Variants in SLC44A1 observed in about 807,000 individuals in gnomAD.
The protein encoded by SLC44A1 is solute carrier family 44 member 1.
SLC44A1 carries 26 observed loss-of-function variants against 79.3 expected under a neutral mutation model. That is an observed-to-expected ratio of 0.33 (90% confidence interval 0.24 to 0.46). The LOEUF is 0.46. SLC44A1 is among the 20% of genes least tolerant of loss of function. The pLI is 1.00. For synonymous variants in SLC44A1, 263 were observed against 286.2 expected (o/e 0.92, Z 0.82); for missense variants, 688 against 798.1 (o/e 0.86, Z 1.66).
At chr9:105,299,169 C>A (rs1310374932) in intron 1 of SLC44A1, 51 bp from the exon 2 acceptor site, 1 of 1,365,444 alleles carries the variant, frequency 7.3e-7, no homozygotes, top group Non-Finnish European at 1.0e-6. Context: ...GCCCTTCTAA[C>A]TTTAACTAAA....
At chr9:105,419,252 G>A (rs1829213231) in intron 15 of SLC44A1, among the ~76,000 whole-genome samples, 1 of 152,164 alleles carries the variant, frequency 6.6e-6, no homozygotes, top group Non-Finnish European at 1.5e-5. Flanking sequence ...TGCCTGATAT[G>A]GGGAGATAAT....
chr9:105,271,288 T>A (rs1830070292), intron 1 of SLC44A1, among the ~76,000 whole-genome samples: 1 of 152,250 alleles, frequency 6.6e-6, no homozygotes, highest in South Asian at 2.1e-4. Context: ...TAGAAGGTTC[T>A]GACAAACCCT....
intron 4 of SLC44A1, among the ~76,000 whole-genome samples, chr9:105,342,919 C>A (rs528054534): frequency 6.6e-6 from 1 of 151,550 alleles, no homozygotes; most frequent in South Asian, 2.1e-4. Flanking sequence ...GCGGGAGGAT[C>A]ACTTGAGCTC....
At chr9:105,411,819 T>G (rs1414799443) in intron 15 of SLC44A1, among the ~76,000 whole-genome samples, 1 of 152,202 alleles carries the variant, frequency 6.6e-6, no homozygotes, top group Non-Finnish European at 1.5e-5. Flanking sequence ...GTGCATCATA[T>G]CAGGAGGCAC....
intron 3 of SLC44A1, among the ~76,000 whole-genome samples, chr9:105,326,083 A>G (rs1020588058): frequency 2.0e-5 from 3 of 152,176 alleles, no homozygotes; most frequent in Non-Finnish European, 4.4e-5. Flanking sequence ...GTTCTTTTTT[A>G]AGAGACCAGG....
chr9:105,299,296 T>C lies in SLC44A1; in HGVS notation c.113T>C (p.Phe38Ser). 1 of 1,587,636 alleles carries C rather than the reference T, an allele frequency of 6.3e-7. No homozygotes were observed. Among genetic ancestry groups the C allele is most frequent in the Non-Finnish European group, 8.5e-7 (1 of 1,170,694 alleles). Reference protein sequence around the residue: ...DIPWLLLFILFCIGMGFICGF... With the variant: ...DIPWLLLFILSCIGMGFICGF... ...CCATGGCTGCTGCTCTTCATCCTCT[T>C]CTGCATTGGGATGGTAAGGAAACTC... The change falls in exon 2 of 16, where the codon TTC (phenylalanine) becomes TCC (serine). Residue 38 changes from phenylalanine to serine, a missense_variant. Transcript: ENST00000374720.
chr9:105,351,550 AAGAAAGAGAGAAAGAG>A (rs56381786), intron 5 of SLC44A1, among the ~76,000 whole-genome samples: 7 of 100,284 alleles, frequency 7.0e-5, no homozygotes, highest in African/African-American at 2.6e-4. Flanking sequence ...GAAAGAAAGA[AAGAAAGAGAGAAAGAG>A]AGAAAGAGAG....
chr9:105,344,518 G>A (rs1203828406), intron 4 of SLC44A1, among the ~76,000 whole-genome samples: 11 of 152,136 alleles, frequency 7.2e-5, no homozygotes, highest in Admixed American at 2.0e-4. Flanking sequence ...ACAAAATGTC[G>A]TAATACCAAG....
At chr9:105,327,434 C>A (rs1564439557) in intron 3 of SLC44A1, among the ~76,000 whole-genome samples, 1 of 152,128 alleles carries the variant, frequency 6.6e-6, no homozygotes, top group Non-Finnish European at 1.5e-5. Flanking sequence ...AGGCGCACAC[C>A]ACCACACCTG....
intron 15 of SLC44A1, among the ~76,000 whole-genome samples, chr9:105,421,805 T>C (rs1392219985): frequency 2.6e-5 from 4 of 152,082 alleles, no homozygotes; most frequent in Non-Finnish European, 5.9e-5. Flanking sequence ...GCCAGGATAG[T>C]CTCAATCTCC....
intron 1 of SLC44A1, among the ~76,000 whole-genome samples, chr9:105,245,231 C>T (rs1031411688): frequency 6.6e-6 from 1 of 152,088 alleles, no homozygotes; most frequent in African/African-American, 2.4e-5. Flanking sequence ...TGCACTGGCG[C>T]CTCCTCTGCC....
intron 1 of SLC44A1, among the ~76,000 whole-genome samples, chr9:105,256,469 A>C (rs1336051503): frequency 1.3e-5 from 2 of 152,110 alleles, no homozygotes; most frequent in Non-Finnish European, 2.9e-5. Flanking sequence ...CAGGGCTAAT[A>C]TGAGACTCCT....
chr9:105,310,324 A>G (rs957882438), intron 3 of SLC44A1, among the ~76,000 whole-genome samples: 3 of 152,174 alleles, frequency 2.0e-5, no homozygotes, highest in Non-Finnish European at 4.4e-5. Flanking sequence ...CCAACTTTAT[A>G]AAAGATACAT....
At chr9:105,397,553 A>G (rs1350809271), downstream of SLC44A1, among the ~76,000 whole-genome samples, 3 of 152,176 alleles carry the variant, frequency 2.0e-5, no homozygotes, top group Admixed American at 6.5e-5. Flanking sequence ...CTGAAGTACA[A>G]AGTTCATCCA....
chr9:105,430,473 T>C (rs1829378943), intron 15 of SLC44A1, among the ~76,000 whole-genome samples: 1 of 152,178 alleles, frequency 6.6e-6, no homozygotes, highest in African/African-American at 2.4e-5. Context: ...TATTCTACTT[T>C]ATTTTGCTGT....
In SLC44A1 at chr9:105,395,217, GTTTGTT is replaced by G. The variant is rs1488316158; in HGVS notation, c.*6166_*6171del. The G allele has an allele frequency of 4.1e-6, 4 of 981,316 alleles. No homozygotes were observed. In the African/African-American group the frequency reaches 5.3e-5, roughly 13 times the overall value. The allele number at this position is 981,316 out of a possible 1,614,324, so 60.8% of individuals were successfully genotyped here. ...CTAGAAAAGTTTGGGGGTTTTTTTT[GTTTGTT>G]TTTGGTGTTTTTTTGAGACGGAGTC... On this transcript the variant is annotated 3_prime_UTR_variant, in exon 16 of 16. Coordinates refer to ENST00000374720, the MANE Select transcript of SLC44A1 (RefSeq NM_080546.5).
intron 1 of SLC44A1, among the ~76,000 whole-genome samples, chr9:105,290,236 A>C (rs1830572494): frequency 6.6e-6 from 1 of 152,100 alleles, no homozygotes; most frequent in African/African-American, 2.4e-5. Flanking sequence ...AAGTCAATAC[A>C]CCCATTAACA....
At chr9:105,425,823 AAAAC>A (rs1048231773) in intron 15 of SLC44A1, among the ~76,000 whole-genome samples, 24 of 152,256 alleles carry the variant, frequency 1.6e-4, no homozygotes, top group African/African-American at 5.3e-4. Context: ...ACTCTGTCAA[AAAAC>A]AAACAAACAA....
intron 15 of SLC44A1, chr9:105,386,268 G>C (rs1828623886): frequency 1.0e-6 from 1 of 968,450 alleles, no homozygotes; most frequent in Admixed American, 6.2e-5. Flanking sequence ...CTATAGCATA[G>C]AAACAGATGC....
Sources: gnomAD v4.1 joint callset for allele counts (sites outside exome capture counted in the v4.1 genomes callset) on GRCh38, gnomAD v4.1.1 for gene constraint, MANE v1.5 for transcripts, NCBI Gene and HGNC (gene_info 2026-07-23, HGNC 2026-07-21) for gene names.